HMGB1: variants seen among roughly 807,000 people sequenced by gnomAD.
HMGB1 encodes the protein high mobility group box 1.
For missense variants in HMGB1, 79 were observed against 253.5 expected, an observed-to-expected ratio of 0.31 and a Z score of 4.67; for synonymous variants, 81 against 84.0, an observed-to-expected ratio of 0.96 and a Z score of 0.19.
At position 30,461,210 on chromosome 13, in the gene HMGB1, T is replaced by G. The variant is rs919447280; in HGVS notation, c.*147A>C. The G allele has an allele frequency of 8.9e-7, 1 of 1,122,258 alleles. No individual in the cohort carries two copies. The highest frequency in any genetic ancestry group is 1.6e-5 in the African/African-American group (1 of 62,530). The allele number at this position is 1,122,258 out of a possible 1,614,324, so 69.5% of individuals were successfully genotyped here. On this transcript the variant is annotated 3_prime_UTR_variant, in exon 5 of 5. Transcript: ENST00000341423. ...TCTAAAGACACATTCGGTAGTGTGT[T>G]AACTATACAAAAAAAGACACTGTAC...
intron 1 of HMGB1, among the ~76,000 whole-genome samples, chr13:30,546,126 G>T (rs1271469452): frequency 2.6e-5 from 4 of 152,038 alleles, no homozygotes; most frequent in Middle Eastern, 3.4e-3. Flanking sequence ...CGTTTTGTTT[G>T]TTTGTTTTGA....
intron 1 of HMGB1, among the ~76,000 whole-genome samples, chr13:30,571,414 C>T (rs1487435395): frequency 6.6e-6 from 1 of 151,962 alleles, no homozygotes; most frequent in African/African-American, 2.4e-5. Flanking sequence ...CTTGCCTCAG[C>T]CTCCCAAGTA....
At chr13:30,490,680 G>A (rs185771690) in intron 1 of HMGB1, among the ~76,000 whole-genome samples, 3 of 152,014 alleles carry the variant, frequency 2.0e-5, no homozygotes, top group East Asian at 3.9e-4. Flanking sequence ...GAATTTGGGA[G>A]GCTGTGGTGG....
chr13:30,600,949 G>A lies in HMGB1; in HGVS notation c.-15+15722C>T, dbSNP rs142702855. Among the ~76,000 whole-genome samples the A allele has an allele frequency of 2.6e-3, 399 of 152,270 alleles. 1 individual carries two copies. The highest frequency in any genetic ancestry group is 9.2e-3 in the African/African-American group (383 of 41,536). On this transcript the variant is annotated intron_variant, in intron 1 of 4. Transcript: ENST00000405805. The stretch of plus-strand genomic sequence containing the variant: ...CAAGCCAAGCCATCACTTCCCCTGT[G>A]ACTTGCATGTATACATCCAGATGGC...
intron 1 of HMGB1, among the ~76,000 whole-genome samples, chr13:30,586,645 C>T (rs1476507938): frequency 6.6e-6 from 1 of 151,882 alleles, no homozygotes; most frequent in East Asian, 1.9e-4. Context: ...TGCCACCATA[C>T]CCAGCTAATT....
chr13:30,512,973 G>A (rs1888024527), intron 1 of HMGB1, among the ~76,000 whole-genome samples: 1 of 152,114 alleles, frequency 6.6e-6, no homozygotes, highest in East Asian at 1.9e-4. Flanking sequence ...GACCAGCCTG[G>A]CCAACGTGGT....
chr13:30,472,376 G>A (rs1015745496), intron 1 of HMGB1, among the ~76,000 whole-genome samples: 3 of 152,114 alleles, frequency 2.0e-5, no homozygotes, highest in African/African-American at 4.8e-5. Context: ...CGAGGCAGGC[G>A]GATAACTTAA....
At chr13:30,600,830 C>T (rs1052980540) in intron 1 of HMGB1, among the ~76,000 whole-genome samples, 2 of 152,130 alleles carry the variant, frequency 1.3e-5, no homozygotes, top group East Asian at 3.8e-4. Context: ...TGTATTAATC[C>T]CATTTTACAG....
intron 1 of HMGB1, among the ~76,000 whole-genome samples, chr13:30,576,283 C>T (rs56108229): frequency 0.13 from 20,358 of 152,110 alleles, 3,692 homozygotes; most frequent in African/African-American, 0.41. Context: ...TCTACTCCTG[C>T]CTGTACCATG....
At position 30,547,102 on chromosome 13, in the gene HMGB1, C is replaced by G. The variant is rs80197777; in HGVS notation, c.-15+69569G>C. Among the ~76,000 whole-genome samples the G allele has an allele frequency of 7.4e-3, 1,134 of 152,348 alleles. 18 individuals carry two copies. Among genetic ancestry groups the G allele is most frequent in the African/African-American group, 0.026 (1,102 of 41,590 alleles). Reference sequence around the variant, plus strand: ...CTCCTGAGATGTTATTCACATAACTCATGACAAAGGCAATGGGGAAAAAGT... The same window carrying G: ...CTCCTGAGATGTTATTCACATAACTGATGACAAAGGCAATGGGGAAAAAGT... On this transcript the variant is annotated intron_variant, in intron 1 of 4. Transcript: ENST00000405805.
At chr13:30,531,627 C>A (rs1342060254) in intron 1 of HMGB1, among the ~76,000 whole-genome samples, 1 of 151,244 alleles carries the variant, frequency 6.6e-6, no homozygotes, top group African/African-American at 2.4e-5. Context: ...ACAGCTGGTG[C>A]GGTGGCTCAC....
chr13:30,504,161 A>AC (rs918708021), intron 1 of HMGB1, among the ~76,000 whole-genome samples: 4 of 152,150 alleles, frequency 2.6e-5, no homozygotes, highest in African/African-American at 9.7e-5. Flanking sequence ...GCCCTGAAGA[A>AC]GGTGGAATGA....
chr13:30,493,245 G>C (rs746481859), intron 1 of HMGB1, among the ~76,000 whole-genome samples: 4 of 152,252 alleles, frequency 2.6e-5, no homozygotes, highest in Non-Finnish European at 5.9e-5. Context: ...ACATGAGTCA[G>C]TAATAAACAG....
chr13:30,606,963 G>A (rs1271280244), intron 1 of HMGB1, among the ~76,000 whole-genome samples: 4 of 152,178 alleles, frequency 2.6e-5, no homozygotes, highest in Non-Finnish European at 4.4e-5. Flanking sequence ...GTAAGATTAC[G>A]TAGCATATTT....
At chr13:30,465,996 C>T (rs540990424), upstream of HMGB1, 43 of 974,838 alleles carry the variant, frequency 4.4e-5, no homozygotes, top group African/African-American at 4.4e-4. Flanking sequence ...CGCTCATTGG[C>T]CCGATACCTC....
rs1389178516 is a variant in HMGB1 at position 30,456,761 on chromosome 13, G to A, written c.*4596C>T. 1.0e-4 allele frequency: 1 copy of A among 9,682 alleles called. No individual in the cohort carries two copies. The highest frequency in any genetic ancestry group is 3.0e-4 in the Non-Finnish European group (1 of 3,286). The allele number at this position is 9,682 out of a possible 1,614,324, so 0.6% of individuals were successfully genotyped here. On this transcript the variant is annotated 3_prime_UTR_variant, in exon 5 of 5. Coordinates refer to ENST00000341423, the MANE Select transcript of HMGB1 (RefSeq NM_002128.7). Reference sequence around the variant, plus strand: ...AGCATAAATAACAGCTTTTGTGGGCGGGGGGGGGGGGTGGTGGGGTGCAAT... The same window carrying A: ...AGCATAAATAACAGCTTTTGTGGGCAGGGGGGGGGGGTGGTGGGGTGCAAT...
intron 1 of HMGB1, among the ~76,000 whole-genome samples, chr13:30,503,445 T>C (rs1226637479): frequency 7.6e-6 from 1 of 131,660 alleles, no homozygotes; most frequent in Non-Finnish European, 1.7e-5. Flanking sequence ...AATAAAAATA[T>C]ATGAATAAAT....
At chr13:30,504,924 A>G (rs1447462932) in intron 1 of HMGB1, among the ~76,000 whole-genome samples, 1 of 152,126 alleles carries the variant, frequency 6.6e-6, no homozygotes, top group African/African-American at 2.4e-5. Context: ...AAAATGAAGT[A>G]TTAGTGTCAA....
At chr13:30,540,253 C>T (rs755063465) in intron 1 of HMGB1, 25 of 184,544 alleles carry the variant, frequency 1.4e-4, no homozygotes, top group Admixed American at 6.4e-4. Flanking sequence ...TCTGTAGGGA[C>T]GCTCCTCTTT....
Sources: gnomAD v4.1 joint callset for allele counts (sites outside exome capture counted in the v4.1 genomes callset) on GRCh38, gnomAD v4.1.1 for gene constraint, MANE v1.5 for transcripts, NCBI Gene and HGNC (gene_info 2026-07-23, HGNC 2026-07-21) for gene names.